SNX29: variants seen among roughly 807,000 people sequenced by gnomAD.
SNX29 encodes sorting nexin 29.
SNX29 carries 78 observed loss-of-function variants against 102.1 expected under a neutral mutation model. The observed-to-expected ratio is 0.76, with a 90% CI of 0.64 to 0.92. The LOEUF (loss-of-function observed/expected upper bound fraction) is 0.92. Among genes scored for constraint, SNX29 ranks in the 40% least tolerant of loss-of-function variants. The probability of loss-of-function intolerance (pLI) is 0.00; values close to 1 mark genes in which losing one functional copy is unlikely to be tolerated. For missense variants in SNX29, 1,280 were observed against 1,061.7 expected (o/e 1.21, Z -2.86); for synonymous variants, 580 against 414.5 (o/e 1.40, Z -4.85).
intron 11 of SNX29, chr16:12,095,298 G>C (rs529034644): frequency 1.9e-4 from 29 of 152,318 alleles, no homozygotes; most frequent in African/African-American, 6.5e-4. Context: ...TTGGGAGCTG[G>C]AGGTTGCAAG....
chr16:12,291,358 C>A (rs1943581227), intron 15 of SNX29, among the ~76,000 whole-genome samples: 2 of 152,236 alleles, frequency 1.3e-5, no homozygotes, highest in South Asian at 4.1e-4. Flanking sequence ...TTGTGCAGCC[C>A]CTTATACAAC....
chr16:12,084,784 A>G (rs1460915216), intron 11 of SNX29, among the ~76,000 whole-genome samples: 1 of 152,148 alleles, frequency 6.6e-6, no homozygotes, highest in East Asian at 1.9e-4. Flanking sequence ...GAGTCAATAA[A>G]TAGGCCGGGT....
chr16:12,547,345 C>T (rs1290025281), intron 20 of SNX29, among the ~76,000 whole-genome samples: 1 of 152,186 alleles, frequency 6.6e-6, no homozygotes, highest in African/African-American at 2.4e-5. Flanking sequence ...GCCAAGGGAA[C>T]TCTAGCTGCC....
intron 9 of SNX29, among the ~76,000 whole-genome samples, chr16:12,063,990 C>T (rs891307733): frequency 6.6e-6 from 1 of 151,904 alleles, no homozygotes; most frequent in South Asian, 2.1e-4. Context: ...AGCAGGTGGT[C>T]CCAGGATGTG....
intron 14 of SNX29, among the ~76,000 whole-genome samples, chr16:12,271,623 C>CA (rs1470369523): frequency 3.3e-5 from 5 of 149,896 alleles, no homozygotes; most frequent in Non-Finnish European, 5.9e-5. Context: ...ATATTGGAAC[C>CA]ATCTTTTTTT....
chr16:12,500,042 A>G (rs1233745971), intron 19 of SNX29, among the ~76,000 whole-genome samples: 2 of 151,964 alleles, frequency 1.3e-5, no homozygotes, highest in South Asian at 2.1e-4. Context: ...CCCAGGTAGG[A>G]GTACAGTGGC....
chr16:12,082,704 C>T (rs1224726154), intron 11 of SNX29, among the ~76,000 whole-genome samples: 6 of 152,182 alleles, frequency 3.9e-5, no homozygotes, highest in Admixed American at 3.9e-4. Flanking sequence ...GAAACGTGGT[C>T]TGTGGTTAGG....
At chr16:12,368,075 G>A (rs2082550554) in intron 16 of SNX29, among the ~76,000 whole-genome samples, 1 of 152,192 alleles carries the variant, frequency 6.6e-6, no homozygotes, top group Admixed American at 6.5e-5. Flanking sequence ...CCTGGGGGGA[G>A]TTGGAAGTAT....
chr16:12,262,102 T>C (rs1567370860), intron 14 of SNX29, among the ~76,000 whole-genome samples: 1 of 149,288 alleles, frequency 6.7e-6, no homozygotes, highest in Non-Finnish European at 1.5e-5. Context: ...CTGAAGTAAG[T>C]GTTTGCTCTG....
chr16:11,994,243 T>C (rs1423893092), intron 1 of SNX29, among the ~76,000 whole-genome samples: 1 of 152,210 alleles, frequency 6.6e-6, no homozygotes, highest in Non-Finnish European at 1.5e-5. Context: ...TCAGACAGGT[T>C]TGTGGACCCC....
chr16:12,539,024 A>G (rs953055997), intron 20 of SNX29, among the ~76,000 whole-genome samples: 9 of 152,206 alleles, frequency 5.9e-5, no homozygotes, highest in African/African-American at 2.2e-4. Flanking sequence ...CCATCCATGA[A>G]TCCAGAATGG....
At chr16:12,522,340 C>CT (rs36062622) in intron 19 of SNX29, among the ~76,000 whole-genome samples, 41,997 of 152,052 alleles carry the variant, frequency 0.28, 6,214 homozygotes, top group African/African-American at 0.38. Context: ...AAAGGTGCCT[C>CT]TCAAGAAAGA....
At chr16:12,100,166 A>T (rs2052952445) in intron 11 of SNX29, among the ~76,000 whole-genome samples, 3 of 152,068 alleles carry the variant, frequency 2.0e-5, no homozygotes, top group Admixed American at 6.5e-5. Context: ...TCAGTCATTC[A>T]TTCACCAAAT....
chr16:12,534,165 C>T (rs149403482), intron 20 of SNX29, among the ~76,000 whole-genome samples: 28 of 152,348 alleles, frequency 1.8e-4, no homozygotes, highest in African/African-American at 5.8e-4. Flanking sequence ...GCGGCCTCTG[C>T]GGTTCTGACT....
chr16:12,522,163 C>G (rs1208345396), intron 19 of SNX29, among the ~76,000 whole-genome samples: 2 of 152,198 alleles, frequency 1.3e-5, no homozygotes, highest in Admixed American at 1.3e-4. Context: ...ATTGGAAGTT[C>G]AGATAAACCA....
At chr16:12,172,299 G>A (rs2076166658) in intron 13 of SNX29, among the ~76,000 whole-genome samples, 1 of 152,176 alleles carries the variant, frequency 6.6e-6, no homozygotes, top group Non-Finnish European at 1.5e-5. Flanking sequence ...GGGCGAGGCT[G>A]GAGGGAAAAG....
chr16:12,418,507 T>C (rs575886517), intron 18 of SNX29, among the ~76,000 whole-genome samples: 2 of 143,618 alleles, frequency 1.4e-5, no homozygotes, highest in African/African-American at 2.5e-5. Context: ...CTTCTGTGTT[T>C]CTGGGTTTTC....
chr16:12,118,623 C>T (rs1402807525), intron 11 of SNX29, among the ~76,000 whole-genome samples: 2 of 152,022 alleles, frequency 1.3e-5, no homozygotes, highest in Non-Finnish European at 2.9e-5. Context: ...CCCTAGAGAC[C>T]ACCTTTTGAT....
At chr16:12,266,277 C>T (rs1004183918) in intron 14 of SNX29, among the ~76,000 whole-genome samples, 1 of 151,990 alleles carries the variant, frequency 6.6e-6, no homozygotes, top group Non-Finnish European at 1.5e-5. Flanking sequence ...CCATTTTTGC[C>T]GCCACACGTA....
Sources: allele counts gnomAD v4.1 joint callset (sites outside exome capture counted in the v4.1 genomes callset), GRCh38; gene constraint gnomAD v4.1.1; transcripts MANE v1.5; gene names NCBI Gene and HGNC (gene_info 2026-07-23, HGNC 2026-07-21).